Variants in PHF14 observed in about 807,000 individuals in gnomAD.
PHF14 encodes the protein PHD finger protein 14.
PHF14 carries 55 observed loss-of-function variants against 117.9 expected under a neutral mutation model. That is an observed-to-expected ratio of 0.47 (90% CI 0.38 to 0.58). The LOEUF (loss-of-function observed/expected upper bound fraction) is 0.58, where lower values mean the gene tolerates loss of function less well. Among genes scored for constraint, PHF14 ranks in the 20% least tolerant of loss-of-function variants. PHF14 has a pLI of 0.00. For synonymous variants in PHF14, 409 were observed against 368.6 expected (o/e 1.11, Z -1.26); for missense variants, 978 against 1,122.2 (o/e 0.87, Z 1.84).
intron 16 of PHF14, among the ~76,000 whole-genome samples, chr7:11,077,655 G>C (rs1184534240): frequency 6.7e-6 from 1 of 149,248 alleles, no homozygotes; most frequent in Non-Finnish European, 1.5e-5. Context: ...TGCATTTTGT[G>C]AGTATGATTT....
chr7:11,029,389 A>T (rs1430220043), intron 7 of PHF14, among the ~76,000 whole-genome samples: 1 of 152,136 alleles, frequency 6.6e-6, no homozygotes, highest in African/African-American at 2.4e-5. Flanking sequence ...TACTTTTCTG[A>T]ACTCTGTTCT....
intron 14 of PHF14, 111 bp from the exon 15 acceptor site, chr7:11,061,680 T>C (rs969503605): frequency 1.5e-5 from 11 of 748,016 alleles, no homozygotes; most frequent in Non-Finnish European, 2.2e-5. Flanking sequence ...ATTTTGCAAG[T>C]GCCTAACCTA....
chr7:11,001,709 A>G (rs1782884195), intron 4 of PHF14, among the ~76,000 whole-genome samples: 2 of 152,144 alleles, frequency 1.3e-5, no homozygotes, highest in African/African-American at 4.8e-5. Flanking sequence ...GCTTTTGTAT[A>G]TTAAGTTTGT....
intron 16 of PHF14, 72 bp downstream of exon 16, chr7:11,062,157 T>C (rs1001044320): frequency 1.2e-5 from 15 of 1,302,676 alleles, no homozygotes; most frequent in South Asian, 3.0e-5. Flanking sequence ...ACAGAAAAAA[T>C]GAAAAAACAA....
chr7:11,151,615 G>A (rs555784246), intron 17 of PHF14, among the ~76,000 whole-genome samples: 5 of 152,206 alleles, frequency 3.3e-5, no homozygotes, highest in Admixed American at 3.3e-4. Context: ...GTAGCATTGT[G>A]TCAGAGTTTT....
At chr7:11,040,568 T>C (rs893284403) in intron 11 of PHF14, 104 bp from the exon 12 acceptor site, 10 of 456,346 alleles carry the variant, frequency 2.2e-5, no homozygotes, top group African/African-American at 1.6e-4. Flanking sequence ...GATTTCCCCC[T>C]AACAATCCTA....
intron 17 of PHF14, among the ~76,000 whole-genome samples, chr7:11,118,013 C>A (rs1346356837): frequency 6.6e-6 from 1 of 151,748 alleles, no homozygotes. Context: ...ACTCAGCTGT[C>A]TAAATTCAGT....
At chr7:11,156,566 G>A (rs755755042) in intron 17 of PHF14, among the ~76,000 whole-genome samples, 1 of 152,074 alleles carries the variant, frequency 6.6e-6, no homozygotes, top group African/African-American at 2.4e-5. Context: ...AGGCCGAGGC[G>A]GCGGATCACC....
intron 16 of PHF14, among the ~76,000 whole-genome samples, chr7:11,071,879 C>G (rs73678576): frequency 0.018 from 2,770 of 152,264 alleles, 81 homozygotes; most frequent in African/African-American, 0.063. Context: ...TTCTTCAACT[C>G]AGTACTTTTA....
chr7:11,036,613 A>ACTAGTT lies in PHF14; in HGVS notation c.1804_1809dup (p.Ser602_Ser603dup). 1 of 1,613,718 alleles carries ACTAGTT rather than the reference A, an allele frequency of 6.2e-7. No individual in the cohort carries two copies. Among genetic ancestry groups the ACTAGTT allele is most frequent in the African/African-American group, 1.3e-5 (1 of 75,046 alleles). On this transcript the variant is annotated inframe_insertion, in exon 9 of 18. Transcript: ENST00000634607. ...TATCTTTCCAGTGGACAATTCAGAT[A>ACTAGTT]CTAGTTCTAGTGTGGATGGAAGGAG...
At chr7:10,981,494 T>G (rs1217685593) in intron 2 of PHF14, among the ~76,000 whole-genome samples, 1 of 152,220 alleles carries the variant, frequency 6.6e-6, no homozygotes, top group African/African-American at 2.4e-5. Context: ...TGAGAGGGAC[T>G]GGGCTGCCCT....
chr7:11,144,392 A>G (rs1002747257), intron 17 of PHF14, among the ~76,000 whole-genome samples: 2 of 151,884 alleles, frequency 1.3e-5, no homozygotes, highest in Non-Finnish European at 2.9e-5. Context: ...ATAAATTAGT[A>G]TATTGAAGAG....
chr7:11,086,760 T>C (rs1032144701), intron 16 of PHF14, among the ~76,000 whole-genome samples: 3 of 152,170 alleles, frequency 2.0e-5, no homozygotes, highest in African/African-American at 7.2e-5. Context: ...TTTGGTTAGA[T>C]TGGAATGGTA....
rs577362148 is a variant in PHF14 at position 11,062,975 on chromosome 7, A to G, written c.2654+890A>G. ...AGGACACAGAAATTAAACATTTCAAAAAGAATAAACATATTGATAAAACAA... is the reference window on the plus strand; with the variant it reads ...AGGACACAGAAATTAAACATTTCAAGAAGAATAAACATATTGATAAAACAA... On this transcript the variant is annotated intron_variant, in intron 16 of 17. Coordinates refer to ENST00000634607, the MANE Select transcript of PHF14 (RefSeq NM_001007157.2). The G allele has an allele frequency of 6.7e-6, 6 of 900,600 alleles. No individual in the cohort carries two copies. The South Asian group carries it at 3.1e-4, about 46-fold the overall frequency. The allele number at this position is 900,600 out of a possible 1,614,324, so 55.8% of individuals were successfully genotyped here.
Position 10,982,541 on chromosome 7 carries a change from A to G in PHF14, c.282A>G (p.Lys94=), listed in dbSNP as rs763044835. Residue 94 remains lysine (K), a synonymous_variant, in exon 3 of 18, where the codon AAA becomes AAG. Coordinates refer to ENST00000634607, the MANE Select transcript of PHF14 (RefSeq NM_001007157.2). ...SAEEEVLSSE[K]QLIKMEKKEE... is the part of the protein sequence containing the mutation. ...AGGAAGAAGTACTATCATCAGAAAA[A>G]CAATTAATTAAAATGGAAAAGAAGG... 4.6e-6 allele frequency: 7 copies of G among 1,525,118 alleles called. No individual in the cohort carries two copies. In the South Asian group the frequency reaches 6.0e-5, roughly 13 times the overall value. The allele number at this position is 1,525,118 out of a possible 1,614,324, so 94.5% of individuals were successfully genotyped here.
At chr7:11,128,324 G>A (rs1049783354) in intron 17 of PHF14, among the ~76,000 whole-genome samples, 1 of 151,898 alleles carries the variant, frequency 6.6e-6, no homozygotes, top group Non-Finnish European at 1.5e-5. Flanking sequence ...TTTTCACTGA[G>A]GAAAGGGGGG....
chr7:11,096,537 A>T (rs933457428), intron 16 of PHF14, among the ~76,000 whole-genome samples: 4 of 152,168 alleles, frequency 2.6e-5, no homozygotes, highest in Non-Finnish European at 5.9e-5. Flanking sequence ...TTTCCAGTTC[A>T]TTTACGGGTA....
At chr7:11,110,601 T>C (rs748280534) in intron 16 of PHF14, 41 of 792,032 alleles carry the variant, frequency 5.2e-5, no homozygotes, top group Admixed American at 6.3e-5. Flanking sequence ...AAAGACACTA[T>C]CAAAACATAA....
chr7:11,083,053 T>A (rs891899207), intron 16 of PHF14, among the ~76,000 whole-genome samples: 1 of 152,144 alleles, frequency 6.6e-6, no homozygotes, highest in Non-Finnish European at 1.5e-5. Context: ...CTCTCTCCCT[T>A]ATGTGCACAC....
Sources: gnomAD v4.1 joint callset for allele counts (sites outside exome capture counted in the v4.1 genomes callset) on GRCh38, gnomAD v4.1.1 for gene constraint, MANE v1.5 for transcripts, NCBI Gene and HGNC (gene_info 2026-07-23, HGNC 2026-07-21) for gene names.